CCR2: variants seen among roughly 807,000 people sequenced by gnomAD.
CCR2 encodes the protein C-C chemokine receptor type 2.
For synonymous variants in CCR2, 183 were observed against 177.1 expected, an observed-to-expected ratio of 1.03 and a Z score of -0.27; for missense variants, 408 against 440.0, an observed-to-expected ratio of 0.93 and a Z score of 0.65.
chr3:46,357,880 G>A lies in CCR2; in HGVS notation c.353G>A (p.Gly118Glu). Residue 118 changes from glycine to glutamate, a missense_variant, in exon 2 of 2, where the codon GGG becomes GAG. Physicochemically the swap from Gly to Glu is moderately conservative, Grantham distance 98. Transcript: ENST00000445132. The stretch of plus-strand genomic sequence containing the variant: ...AATGCAATGTGCAAATTATTCACAG[G>A]GCTGTATCACATCGGTTATTTTGGC... ...FGNAMCKLFT[G>E]LYHIGYFGGI... 2 of 1,614,120 alleles carry A rather than the reference G, an allele frequency of 1.2e-6. No individual in the cohort carries two copies. The highest frequency in any genetic ancestry group is 1.7e-6 in the Non-Finnish European group (2 of 1,180,008).
Position 46,358,623 on chromosome 3 carries a change from TTTGA to T in CCR2, c.*17_*20del. On this transcript the variant is annotated 3_prime_UTR_variant, in exon 2 of 2. Coordinates refer to ENST00000445132, the MANE Select transcript of CCR2 (RefSeq NM_001123396.4). The stretch of plus-strand genomic sequence containing the variant: ...GGCTGGTTTATAAAACGAGGAGCAG[TTTGA>T]TTGTTGTTTATAAAGGGAGATAACA... The T allele has an allele frequency of 4.5e-6, 7 of 1,555,418 alleles. No individual in the cohort carries two copies. Among genetic ancestry groups the T allele is most frequent in the Non-Finnish European group, 6.1e-6 (7 of 1,148,290 alleles).
chr3:46,359,220 G>A lies in CCR2; in HGVS notation c.*610G>A. 1 of 1,004,858 alleles carries A rather than the reference G, an allele frequency of 1.0e-6. No homozygotes were observed. The highest frequency in any genetic ancestry group is 1.2e-6 in the Non-Finnish European group (1 of 833,074). The allele number at this position is 1,004,858 out of a possible 1,614,324, so 62.2% of individuals were successfully genotyped here. A position where few individuals can be genotyped will look rare whatever the true frequency, so the allele number is the denominator to read the frequency against. ...TGGTGGAGTCCGATGATTCTCTTTTGCATAAGTGCATGACATATTTTTGCT... is the reference window on the plus strand; with the variant it reads ...TGGTGGAGTCCGATGATTCTCTTTTACATAAGTGCATGACATATTTTTGCT... On this transcript the variant is annotated 3_prime_UTR_variant, in exon 2 of 2. Transcript: ENST00000445132.
At position 46,359,115 on chromosome 3, in the gene CCR2, C is replaced by A; in HGVS notation, c.*505C>A. 5.0e-6 allele frequency: 5 copies of A among 1,008,234 alleles called. No homozygotes were observed. The highest frequency in any genetic ancestry group is 6.0e-6 in the Non-Finnish European group (5 of 834,820). 62.5% of individuals were successfully genotyped at this position (1,008,234 alleles called of 1,614,324 possible). ...GCCAGGAGATGATACTGGTCCTTAGCCCCATCTGCCACGTGTATTTAACCT... is the reference window on the plus strand; with the variant it reads ...GCCAGGAGATGATACTGGTCCTTAGACCCATCTGCCACGTGTATTTAACCT... On this transcript the variant is annotated 3_prime_UTR_variant, in exon 2 of 2. Transcript: ENST00000445132.
rs752202072 is a variant in CCR2 at position 46,358,465 on chromosome 3, G to C, written c.938G>C (p.Arg313Thr). The change falls in exon 2 of 2, where the codon AGA becomes ACA. Residue 313 changes from arginine (R) to threonine (T), a missense_variant. Physicochemically the swap from Arg to Thr is moderately conservative, Grantham distance 71. Transcript: ENST00000445132. Reference protein sequence around the residue: ...IIYAFVGEKFRRYLSVFFRKH... With the variant: ...IIYAFVGEKFTRYLSVFFRKH... ...TATGCCTTCGTTGGGGAGAAGTTCA[G>C]AAGGTATCTCTCGGTGTTCTTCCGA... 6.2e-7 allele frequency: 1 copy of C among 1,613,940 alleles called. No individual in the cohort carries two copies. Among genetic ancestry groups the C allele is most frequent in the South Asian group, 1.1e-5 (1 of 91,074 alleles).
rs556636324 is a variant in CCR2 at position 46,357,503 on chromosome 3, C to T, written c.-25C>T. 10 of 1,605,688 alleles carry T rather than the reference C, an allele frequency of 6.2e-6. No homozygotes were observed. The highest frequency in any genetic ancestry group is 4.5e-5 in the East Asian group (2 of 44,742). ...ACAGAGAAAGTGGATTGAACAAGGA[C>T]GCATTTCCCCAGTACATCCACAACA... On this transcript the variant is annotated 5_prime_UTR_variant, in exon 2 of 2. It adds an upstream start codon to the 5' untranslated region. Transcript: ENST00000445132.
In CCR2 at chr3:46,359,380, C is replaced by T; in HGVS notation, c.*770C>T. 1 of 1,069,982 alleles carries T rather than the reference C, an allele frequency of 9.3e-7. No homozygotes were observed. Among genetic ancestry groups the T allele is most frequent in the Non-Finnish European group, 1.1e-6 (1 of 879,682 alleles). 66.3% of individuals were successfully genotyped at this position (1,069,982 alleles called of 1,614,324 possible). ...AGAAAATTTTTGTTTATAAAAGATG[C>T]ATTATCTATGATATGCTAATATATG... On this transcript the variant is annotated 3_prime_UTR_variant, in exon 2 of 2. Transcript: ENST00000445132.
rs2106719202 is a variant in CCR2, at chr3:46,357,726, T to G, written c.199T>G (p.Leu67Val). ...FVGNMLVVLILINCKKLKCLT... is the reference protein window; with the variant it reads ...FVGNMLVVLIVINCKKLKCLT... ...GGGCAACATGCTGGTCGTCCTCATCTTAATAAACTGCAAAAAGCTGAAGTG... is the reference window on the plus strand; with the variant it reads ...GGGCAACATGCTGGTCGTCCTCATCGTAATAAACTGCAAAAAGCTGAAGTG... Residue 67 changes from leucine to valine, a missense_variant, in exon 2 of 2, where the codon TTA becomes GTA. Coordinates refer to ENST00000445132, the MANE Select transcript of CCR2 (RefSeq NM_001123396.4). The G allele has an allele frequency of 6.2e-7, 1 of 1,614,188 alleles. No individual in the cohort carries two copies. The highest frequency in any genetic ancestry group is 8.5e-7 in the Non-Finnish European group (1 of 1,180,014).
chr3:46,356,557 G>A, intron 1 of CCR2, among the ~76,000 whole-genome samples: 1 of 152,272 alleles, frequency 6.6e-6, no homozygotes, highest in African/African-American at 2.4e-5. Flanking sequence ...AGAAGTTTTG[G>A]CAGGATGATG....
At position 46,358,175 on chromosome 3, in the gene CCR2, C is replaced by G; in HGVS notation, c.648C>G (p.Leu216=). 1 of 1,614,192 alleles carries G rather than the reference C, an allele frequency of 6.2e-7. No homozygotes were observed. Among genetic ancestry groups the G allele is most frequent in the South Asian group, 1.1e-5 (1 of 91,084 alleles). The change falls in exon 2 of 2, where the codon CTC becomes CTG. Residue 216 remains leucine, a synonymous_variant. Coordinates refer to ENST00000445132, the MANE Select transcript of CCR2 (RefSeq NM_001123396.4). ...RNILGLVLPL[L]IMVICYSGIL... ...TTTTGGGGCTGGTCCTGCCGCTGCT[C>G]ATCATGGTCATCTGCTACTCGGGAA...
rs368615088 is a variant in CCR2, at chr3:46,357,544, G to A, written c.17G>A (p.Arg6His). 27 of 1,613,870 alleles carry A rather than the reference G, an allele frequency of 1.7e-5. No individual in the cohort carries two copies. The highest frequency in any genetic ancestry group is 2.2e-5 in the South Asian group (2 of 91,064). MLSTSRSRFIRNTNES... is the reference protein window; with the variant it reads MLSTSHSRFIRNTNES... ...ATCCACAACATGCTGTCCACATCTC[G>A]TTCTCGGTTTATCAGAAATACCAAC... The change falls in exon 2 of 2, where the codon CGT becomes CAT. Residue 6 changes from arginine (R) to histidine (H), a missense_variant. Coordinates refer to ENST00000445132, the MANE Select transcript of CCR2 (RefSeq NM_001123396.4).
rs553718224 is a variant in CCR2, at chr3:46,360,190, C to T, written c.*1580C>T. The T allele has an allele frequency of 3.4e-5, 9 of 265,534 alleles. No homozygotes were observed. Among genetic ancestry groups the T allele is most frequent in the Non-Finnish European group, 6.5e-5 (9 of 139,494 alleles). The allele number at this position is 265,534 out of a possible 1,614,324, so 16.4% of individuals were successfully genotyped here. On this transcript the variant is annotated 3_prime_UTR_variant, in exon 2 of 2. Coordinates refer to ENST00000445132, the MANE Select transcript of CCR2 (RefSeq NM_001123396.4). ...TCACAGAGATAATTCTAGCTTTGAG[C>T]TTAAGAATTTTGAGCAGGTGGTATG...
chr3:46,355,558 T>A (rs1018544727), intron 1 of CCR2, among the ~76,000 whole-genome samples: 4 of 152,174 alleles, frequency 2.6e-5, no homozygotes, highest in African/African-American at 9.7e-5. Flanking sequence ...GAGTGACTAT[T>A]CAATTTCAAC....
chr3:46,359,736 G>A lies in CCR2; in HGVS notation c.*1126G>A. On this transcript the variant is annotated 3_prime_UTR_variant, in exon 2 of 2. Transcript: ENST00000445132. ...CCACTCCAAAAACCAGTGTGTGGAG[G>A]TCCAGGAGTGAGACCAGGAAAGAAT... 2 of 1,614,112 alleles carry A rather than the reference G, an allele frequency of 1.2e-6. No homozygotes were observed. The highest frequency in any genetic ancestry group is 1.3e-5 in the African/African-American group (1 of 75,040).
chr3:46,356,601 C>A (rs762822542), intron 1 of CCR2, among the ~76,000 whole-genome samples: 1 of 152,102 alleles, frequency 6.6e-6, no homozygotes, highest in Non-Finnish European at 1.5e-5. Flanking sequence ...TCAGTTAGAA[C>A]GTTTTTGACT....
rs752202072 is a variant in CCR2 at position 46,358,465 on chromosome 3, G to A, written c.938G>A (p.Arg313Lys). ...TATGCCTTCGTTGGGGAGAAGTTCA[G>A]AAGGTATCTCTCGGTGTTCTTCCGA... is the stretch of plus-strand genomic sequence containing the variant. Reference protein sequence around the residue: ...IIYAFVGEKFRRYLSVFFRKH... With the variant: ...IIYAFVGEKFKRYLSVFFRKH... Residue 313 changes from arginine to lysine, a missense_variant, in exon 2 of 2, where the codon AGA becomes AAA. Transcript: ENST00000445132. The A allele has an allele frequency of 4.3e-6, 7 of 1,613,822 alleles. No homozygotes were observed. The Admixed American group carries it at 1.2e-4, about 27-fold the overall frequency.
At chr3:46,356,869 G>A (rs983549686) in intron 1 of CCR2, among the ~76,000 whole-genome samples, 18 of 149,768 alleles carry the variant, frequency 1.2e-4, no homozygotes, top group Admixed American at 1.1e-3. Context: ...AGTGAGCTGA[G>A]ATCATGGCCA....
Position 46,357,824 on chromosome 3 carries a change from T to C in CCR2, c.297T>C (p.Ala99=). The C allele has an allele frequency of 1.2e-6, 2 of 1,614,222 alleles. No individual in the cohort carries two copies. The highest frequency in any genetic ancestry group is 1.7e-6 in the Non-Finnish European group (2 of 1,180,024). ...LLFLITLPLW[A]HSAANEWVFG... is the part of the protein sequence containing the mutation. ...TTCTTATTACTCTCCCATTGTGGGC[T>C]CACTCTGCTGCAAATGAGTGGGTCT... The change falls in exon 2 of 2, where the codon GCT becomes GCC. Residue 99 remains alanine (A), a synonymous_variant. Coordinates refer to ENST00000445132, the MANE Select transcript of CCR2 (RefSeq NM_001123396.4).
intron 1 of CCR2, among the ~76,000 whole-genome samples, chr3:46,355,125 G>A (rs3762823): frequency 0.2 from 30,442 of 152,190 alleles, 3,427 homozygotes; most frequent in Admixed American, 0.29. Flanking sequence ...GCTGAAAATA[G>A]AAGCATAATC....
At position 46,358,333 on chromosome 3, in the gene CCR2, A is replaced by G. The variant is rs1376761439; in HGVS notation, c.806A>G (p.Gln269Arg). The G allele has an allele frequency of 5.0e-6, 8 of 1,614,090 alleles. No individual in the cohort carries two copies. The highest frequency in any genetic ancestry group is 6.8e-6 in the Non-Finnish European group (8 of 1,180,038). Residue 269 changes from glutamine to arginine, a missense_variant, in exon 2 of 2, where the codon CAG becomes CGG. Coordinates refer to ENST00000445132, the MANE Select transcript of CCR2 (RefSeq NM_001123396.4). ...ATTGTCATTCTCCTGAACACCTTCC[A>G]GGAATTCTTCGGCCTGAGTAACTGT... ...YNIVILLNTF[Q>R]EFFGLSNCES...
Sources: gnomAD v4.1 joint callset for allele counts (sites outside exome capture counted in the v4.1 genomes callset) on GRCh38, gnomAD v4.1.1 for gene constraint, MANE v1.5 for transcripts, NCBI Gene and HGNC (gene_info 2026-07-23, HGNC 2026-07-21) for gene names.